The following MB21D2 variants were observed in gnomAD, a reference collection of about 807,000 sequenced individuals.
MB21D2 encodes Mab-21 domain containing 2.
Under a neutral mutation model 33.3 loss-of-function variants are expected in MB21D2, and 9 were observed. That is an observed-to-expected ratio of 0.27 (90% CI 0.16 to 0.47). The LOEUF (loss-of-function observed/expected upper bound fraction) is 0.47. Ranked by LOEUF, MB21D2 falls within the 20% of genes least tolerant of loss-of-function variation. The pLI, the probability that MB21D2 is intolerant of heterozygous loss-of-function variation, is 0.99. For missense variants in MB21D2, 540 were observed against 624.6 expected (o/e 0.86, Z 1.44); for synonymous variants, 241 against 236.3 (o/e 1.02, Z -0.18).
At chr3:192,857,479 G>A (rs1338761717) in intron 1 of MB21D2, among the ~76,000 whole-genome samples, 1 of 152,122 alleles carries the variant, frequency 6.6e-6, no homozygotes, top group African/African-American at 2.4e-5. Context: ...CAGGCCAGAA[G>A]GAGCCGAGCA....
chr3:192,850,633 C>CA (rs1446007740), intron 1 of MB21D2, among the ~76,000 whole-genome samples: 2 of 152,220 alleles, frequency 1.3e-5, no homozygotes, highest in Non-Finnish European at 2.9e-5. Flanking sequence ...GCCTCAGGCT[C>CA]AGCCCTGCAC....
chr3:192,908,194 G>A (rs1299341497), intron 1 of MB21D2, among the ~76,000 whole-genome samples: 2 of 152,108 alleles, frequency 1.3e-5, no homozygotes, highest in African/African-American at 2.4e-5. Flanking sequence ...CTCAGAGACT[G>A]CAATAAAAAG....
intron 1 of MB21D2, among the ~76,000 whole-genome samples, chr3:192,887,403 C>A (rs997313739): frequency 6.6e-6 from 1 of 152,056 alleles, no homozygotes; most frequent in African/African-American, 2.4e-5. Flanking sequence ...GAAAAGAGTT[C>A]TTGAAATTGA....
chr3:192,844,102 C>G (rs1239056765), intron 1 of MB21D2, among the ~76,000 whole-genome samples: 1 of 152,202 alleles, frequency 6.6e-6, no homozygotes, highest in African/African-American at 2.4e-5. Flanking sequence ...CCTCTCTTAG[C>G]TAGAAACCTA....
At chr3:192,875,117 T>A (rs1258734367) in intron 1 of MB21D2, among the ~76,000 whole-genome samples, 1 of 152,200 alleles carries the variant, frequency 6.6e-6, no homozygotes, top group Non-Finnish European at 1.5e-5. Flanking sequence ...CGGAAAGCAG[T>A]TATGTTACAT....
intron 1 of MB21D2, among the ~76,000 whole-genome samples, chr3:192,857,923 G>A (rs1378943230): frequency 6.6e-6 from 1 of 152,106 alleles, no homozygotes; most frequent in Non-Finnish European, 1.5e-5. Flanking sequence ...TTGGGAGTTC[G>A]AGACCAGCCT....
intron 1 of MB21D2, among the ~76,000 whole-genome samples, chr3:192,814,008 A>AT (rs1711852597): frequency 6.6e-6 from 1 of 152,314 alleles, no homozygotes; most frequent in South Asian, 2.1e-4. Flanking sequence ...AATTTTCCAC[A>AT]TGGCTTATTA....
chr3:192,913,134 T>C (rs73198800), intron 1 of MB21D2, among the ~76,000 whole-genome samples: 14,257 of 152,234 alleles, frequency 0.094, 873 homozygotes, highest in African/African-American at 0.17. Context: ...TAAGAAAGTA[T>C]ATTTTTATCC....
chr3:192,840,739 G>A (rs1030737191), intron 1 of MB21D2, among the ~76,000 whole-genome samples: 4 of 152,122 alleles, frequency 2.6e-5, no homozygotes, highest in Admixed American at 2.0e-4. Context: ...ATAAATCAGA[G>A]GCTTTGGATA....
chr3:192,813,070 C>T (rs1711826135), intron 1 of MB21D2, among the ~76,000 whole-genome samples: 1 of 152,128 alleles, frequency 6.6e-6, no homozygotes. Context: ...TTAAAAGCAT[C>T]AGTCCCAGGC....
chr3:192,798,655 C>T lies in MB21D2; in HGVS notation c.1207G>A (p.Val403Met), dbSNP rs1292867158. The T allele has an allele frequency of 6.2e-7, 1 of 1,613,546 alleles. No homozygotes were observed. Among genetic ancestry groups the T allele is most frequent in the African/African-American group, 1.3e-5 (1 of 74,932 alleles). ...AAGTGCTCTGCCGGGTCTGAGCGCA[C>T]AGAGGACAGCTTCCGGGCGTGAAGC... is the stretch of plus-strand genomic sequence containing the variant. The part of the protein sequence containing the change: ...VMLHARKLSS[V>M]RSDPAEHLRT... Residue 403 changes from valine to methionine, a missense_variant, in exon 2 of 2, where the codon GTG (valine) becomes ATG (methionine). Physicochemically the swap from Val to Met is conservative, Grantham distance 21. Coordinates refer to ENST00000392452, the MANE Select transcript of MB21D2 (RefSeq NM_178496.4). This position sits in a 1 kb window ranked among gnomAD's most constrained non-coding sequence, Gnocchi z 4.8.
chr3:192,843,914 G>A (rs948779212), intron 1 of MB21D2, among the ~76,000 whole-genome samples: 42 of 152,082 alleles, frequency 2.8e-4, no homozygotes, highest in African/African-American at 1.0e-3. Context: ...CTCTTGAAAC[G>A]TATGCTCCGT....
intron 1 of MB21D2, among the ~76,000 whole-genome samples, chr3:192,902,746 C>T (rs1420132908): frequency 6.6e-6 from 1 of 152,148 alleles, no homozygotes; most frequent in Non-Finnish European, 1.5e-5. Context: ...AGGGAGTGAA[C>T]GTTATGCTGG....
chr3:192,902,137 T>TA (rs1376847485), intron 1 of MB21D2, among the ~76,000 whole-genome samples: 2 of 152,174 alleles, frequency 1.3e-5, no homozygotes, highest in Non-Finnish European at 2.9e-5. Flanking sequence ...GGCCAACTGA[T>TA]AGAGTGAAAA....
chr3:192,881,934 A>C (rs775295852), intron 1 of MB21D2, among the ~76,000 whole-genome samples: 15 of 152,134 alleles, frequency 9.9e-5, no homozygotes, highest in Non-Finnish European at 1.6e-4. Context: ...TGGGATCCAA[A>C]GGAACTGTGA....
chr3:192,849,379 G>A (rs948958017), intron 1 of MB21D2, among the ~76,000 whole-genome samples: 24 of 151,346 alleles, frequency 1.6e-4, no homozygotes, highest in African/African-American at 5.1e-4. Context: ...GTGCAGTGGC[G>A]CGATCTCGGC....
chr3:192,841,830 G>A (rs1187882607), intron 1 of MB21D2, among the ~76,000 whole-genome samples: 1 of 152,208 alleles, frequency 6.6e-6, no homozygotes, highest in Non-Finnish European at 1.5e-5. Flanking sequence ...ATCCCTAAAG[G>A]TTAGGGGTTC....
chr3:192,905,925 A>G (rs1714207159), intron 1 of MB21D2, among the ~76,000 whole-genome samples: 1 of 152,220 alleles, frequency 6.6e-6, no homozygotes, highest in South Asian at 2.1e-4. Flanking sequence ...TCCCACCTCA[A>G]CCATTTAGTG....
intron 1 of MB21D2, among the ~76,000 whole-genome samples, chr3:192,860,340 T>A (rs1318320702): frequency 6.6e-6 from 1 of 152,252 alleles, no homozygotes. Flanking sequence ...AAGGCTGTTT[T>A]TAAAATGTGG....
Sources: allele counts gnomAD v4.1 joint callset (sites outside exome capture counted in the v4.1 genomes callset), GRCh38; gene constraint gnomAD v4.1.1; non-coding constraint Gnocchi (gnomAD v3.1); transcripts MANE v1.5; gene names NCBI Gene and HGNC (gene_info 2026-07-23, HGNC 2026-07-21).